UNK: variants seen among roughly 807,000 people sequenced by gnomAD.
UNK encodes RING finger protein unkempt homolog.
In UNK, 32 loss-of-function variants were observed where a neutral mutation model predicts 97.6. The observed-to-expected ratio is 0.33, with a 90% CI of 0.25 to 0.44. UNK has a LOEUF of 0.44. Ranked by LOEUF, UNK falls within the 20% of genes least tolerant of loss-of-function variation. The probability of loss-of-function intolerance (pLI) is 1.00; values close to 1 mark genes in which losing one functional copy is unlikely to be tolerated. For missense variants in UNK, 771 were observed against 1,098.4 expected (o/e 0.70, Z 4.21); for synonymous variants, 441 against 461.2 (o/e 0.96, Z 0.56).
chr17:75,824,450 T>G lies in UNK; in HGVS notation c.*33T>G. The G allele has an allele frequency of 2.1e-6, 3 of 1,404,986 alleles. No individual in the cohort carries two copies. Among genetic ancestry groups the G allele is most frequent in the South Asian group, 3.0e-5 (2 of 66,750 alleles). 87.0% of individuals were successfully genotyped at this position (1,404,986 alleles called of 1,614,324 possible). ...GGCCTGGCCCAGCCTGGCCCAGATC[T>G]TCTCACCTAGGACTTTTTAAAGTAT... On this transcript the variant is annotated 3_prime_UTR_variant, in exon 16 of 16. Transcript: ENST00000589666. The surrounding 1 kb of genome is among the most constrained non-coding windows in gnomAD (Gnocchi z 4.9).
At chr17:75,788,160 A>C (rs527946995) in intron 1 of UNK, among the ~76,000 whole-genome samples, 80 of 151,850 alleles carry the variant, frequency 5.3e-4, no homozygotes, top group African/African-American at 1.9e-3. Flanking sequence ...AATATTTGTA[A>C]GTTTTTGCCT....
chr17:75,792,016 G>GTTGA, intron 1 of UNK: 4 of 985,438 alleles, frequency 4.1e-6, no homozygotes, highest in Non-Finnish European at 4.8e-6. Context: ...CCTGATGCCT[G>GTTGA]AAGGTGAGGT....
chr17:75,805,422 C>G (rs1284539051), intron 1 of UNK, among the ~76,000 whole-genome samples: 1 of 150,524 alleles, frequency 6.6e-6, no homozygotes, highest in East Asian at 2.0e-4. Context: ...AAAACAAGCC[C>G]ACATGCTTGT....
intron 4 of UNK, 36 bp downstream of exon 4, chr17:75,812,621 T>G: frequency 6.2e-7 from 1 of 1,601,480 alleles, no homozygotes; most frequent in Non-Finnish European, 8.5e-7. Context: ...GCCCTCCCTA[T>G]AATCCTGCTC....
At chr17:75,804,398 T>A (rs2061891268) in intron 1 of UNK, among the ~76,000 whole-genome samples, 1 of 151,896 alleles carries the variant, frequency 6.6e-6, no homozygotes, top group African/African-American at 2.4e-5. Flanking sequence ...GAGGTTGCAG[T>A]GAGCTGAGAT....
At chr17:75,812,009 AAC>A (rs2061973889) in intron 2 of UNK, 101 bp from the exon 3 acceptor site, 1 of 1,336,410 alleles carries the variant, frequency 7.5e-7, no homozygotes, top group East Asian at 2.6e-5. Context: ...ACAAACAAAC[AAC>A]AACAACAACA....
At chr17:75,808,802 G>A (rs1021700892) in intron 1 of UNK, 2 of 152,386 alleles carry the variant, frequency 1.3e-5, no homozygotes, top group Non-Finnish European at 2.9e-5. Flanking sequence ...GCCAGGGGCA[G>A]GGGAGCCCAG....
intron 6 of UNK, among the ~76,000 whole-genome samples, chr17:75,814,489 C>CAAAAAAAAA (rs59234903): frequency 1.4e-5 from 1 of 70,020 alleles, no homozygotes; most frequent in Non-Finnish European, 2.5e-5. Flanking sequence ...GAGACTCCAT[C>CAAAAAAAAA]AAAAAAAAAA....
At chr17:75,810,025 C>T (rs1304894478) in intron 2 of UNK, 56 bp downstream of exon 2, 2 of 1,595,316 alleles carry the variant, frequency 1.3e-6, no homozygotes, top group Non-Finnish European at 1.7e-6. Flanking sequence ...GGGTCAGATG[C>T]CCTCAGGGTA....
chr17:75,819,006 C>G lies in UNK; in HGVS notation c.1546+190C>G. ...CCCCAAGGTGTAGGGCCAGGACTGA[C>G]CCTTAGAGCTCCTTTGTGCAAATTA... On this transcript the variant is annotated intron_variant, in intron 11 of 15. Coordinates refer to ENST00000589666, the MANE Select transcript of UNK (RefSeq NM_001080419.3). This position sits in a 1 kb window ranked among gnomAD's most constrained non-coding sequence, Gnocchi z 5.4. 1.7e-6 allele frequency: 1 copy of G among 604,060 alleles called. No homozygotes were observed. The highest frequency in any genetic ancestry group is 3.2e-5 in the East Asian group (1 of 30,808). The allele number at this position is 604,060 out of a possible 1,614,324, so 37.4% of individuals were successfully genotyped here.
chr17:75,819,592 A>G lies in UNK; in HGVS notation c.1547-92A>G. 2.5e-6 allele frequency: 3 copies of G among 1,188,554 alleles called. No individual in the cohort carries two copies. The highest frequency in any genetic ancestry group is 1.3e-5 in the South Asian group (1 of 78,640). 73.6% of individuals were successfully genotyped at this position (1,188,554 alleles called of 1,614,324 possible). A position where few individuals can be genotyped will look rare whatever the true frequency, so the allele number is the denominator to read the frequency against. On this transcript the variant is annotated intron_variant, in intron 11 of 15. Transcript: ENST00000589666. The surrounding 1 kb of genome is among the most constrained non-coding windows in gnomAD (Gnocchi z 5.4). The stretch of plus-strand genomic sequence containing the variant: ...TGGGAGAATACGGACCCAGCGTAGC[A>G]TGGGCGTGAAGATGCAGCGTGGGCA...
At chr17:75,820,217 G>C in intron 13 of UNK, 109 bp downstream of exon 13, 1 of 1,211,974 alleles carries the variant, frequency 8.3e-7, no homozygotes, top group East Asian at 2.4e-5. Flanking sequence ...GGGGGTTAGG[G>C]CAGAGGCCTT....
chr17:75,815,177 G>T lies in UNK; in HGVS notation c.885G>T (p.Lys295Asn). The T allele has an allele frequency of 6.2e-7, 1 of 1,613,096 alleles. No individual in the cohort carries two copies. The change falls in exon 7 of 16, where the codon AAG becomes AAT. Residue 295 changes from lysine to asparagine, a missense_variant. By Grantham distance (94) the Lys-to-Asn change is moderately conservative. Transcript: ENST00000589666. Reference sequence around the variant, plus strand: ...TGTGCTCTGCCCTCCAGATCTACAAGTCCACCAAGTGCAACGACATGCAGC... The same window carrying T: ...TGTGCTCTGCCCTCCAGATCTACAATTCCACCAAGTGCAACGACATGCAGC... ...TEQQFHPEIY[K>N]STKCNDMQQS...
Position 75,817,159 on chromosome 17 carries a change from C to T in UNK, c.1105-167C>T, listed in dbSNP as rs138490430. ...GCAGGGACAAAGCCTGAGGTCACTC[C>T]CCTTTCCTTCGTGAGCTTCGGGCTC... On this transcript the variant is annotated intron_variant, in intron 8 of 15. Transcript: ENST00000589666. The surrounding 1 kb of genome is among the most constrained non-coding windows in gnomAD (Gnocchi z 5.8). Among the ~76,000 whole-genome samples, 205 of 151,448 alleles carry T rather than the reference C, an allele frequency of 1.4e-3. No homozygotes were observed. The highest frequency in any genetic ancestry group is 4.7e-3 in the African/African-American group (197 of 41,526).
At chr17:75,804,322 G>T (rs1432120132) in intron 1 of UNK, among the ~76,000 whole-genome samples, 1 of 151,918 alleles carries the variant, frequency 6.6e-6, no homozygotes, top group Non-Finnish European at 1.5e-5. Flanking sequence ...AGGTGTGGTA[G>T]CGCATGCCTG....
Position 75,819,949 on chromosome 17 carries a change from G to A in UNK, c.1678G>A (p.Val560Met), listed in dbSNP as rs374854042. ...CAGCTTGCTGCAGAGCTCTGCACCC[G>A]TGAACATCCCCGGCTCCTTGGGCAG... ...GGSLLQSSAP[V>M]NIPGSLGSSA... The change falls in exon 13 of 16, where the codon GTG becomes ATG. Residue 560 changes from valine (V) to methionine (M), a missense_variant. By Grantham distance (21) the Val-to-Met change is conservative (BLOSUM62 1). Around this residue, in one of 5 missense-constraint regions of UNK, gnomAD observed 91 missense variants for 173.1 expected, o/e 0.53. Transcript: ENST00000589666. The surrounding 1 kb of genome is among the most constrained non-coding windows in gnomAD (Gnocchi z 5.4). The A allele has an allele frequency of 6.8e-6, 11 of 1,612,498 alleles. No individual in the cohort carries two copies. Among genetic ancestry groups the A allele is most frequent in the East Asian group, 4.5e-5 (2 of 44,878 alleles).
At chr17:75,787,337 G>T (rs1408041915) in intron 1 of UNK, among the ~76,000 whole-genome samples, 2 of 152,012 alleles carry the variant, frequency 1.3e-5, no homozygotes, top group Admixed American at 6.6e-5. Context: ...TCAGTCTCCT[G>T]AGTAGCTGGG....
intron 2 of UNK, 104 bp from the exon 3 acceptor site, chr17:75,812,007 AC>A: frequency 8.4e-7 from 1 of 1,190,116 alleles, no homozygotes; most frequent in Non-Finnish European, 1.1e-6. Flanking sequence ...AAACAAACAA[AC>A]AACAACAACA....
At chr17:75,785,044 A>G (rs1291566973) in intron 1 of UNK, 60 bp downstream of exon 1, 1 of 1,154,422 alleles carries the variant, frequency 8.7e-7, no homozygotes, top group East Asian at 3.9e-5. Flanking sequence ...GGCCAGCGTG[A>G]GTCACGCGCG....
Sources: gnomAD v4.1 joint callset for allele counts (sites outside exome capture counted in the v4.1 genomes callset) on GRCh38, gnomAD v4.1.1 for gene constraint, gnomAD v4.1.1 regional missense constraint, Gnocchi (gnomAD v3.1) non-coding constraint, MANE v1.5 for transcripts, NCBI Gene and HGNC (gene_info 2026-07-23, HGNC 2026-07-21) for gene names.